Variants in EYA2 observed in about 807,000 individuals in gnomAD.
EYA2 encodes the protein protein phosphatase EYA2.
In EYA2, 31 loss-of-function variants were observed where a neutral mutation model predicts 69.2. The observed-to-expected ratio is 0.45, with a 90% CI of 0.34 to 0.60. EYA2 has a LOEUF of 0.60. Among genes scored for constraint, EYA2 ranks in the 20% least tolerant of loss-of-function variants. The pLI is 0.02. For missense variants in EYA2, 622 were observed against 701.2 expected (o/e 0.89, Z 1.28); for synonymous variants, 257 against 279.4 (o/e 0.92, Z 0.80).
At chr20:46,956,313 G>A (rs547006223) in intron 1 of EYA2, among the ~76,000 whole-genome samples, 18 of 152,250 alleles carry the variant, frequency 1.2e-4, no homozygotes, top group Non-Finnish European at 2.1e-4. Context: ...AAATTCCATC[G>A]AATGGATAGA....
At chr20:47,093,304 C>T (rs2032143610) in intron 8 of EYA2, among the ~76,000 whole-genome samples, 1 of 152,224 alleles carries the variant, frequency 6.6e-6, no homozygotes, top group Admixed American at 6.5e-5. Flanking sequence ...CCTGTCAGAT[C>T]CCGGGGTCTG....
At chr20:46,952,585 A>C (rs906846334) in intron 1 of EYA2, among the ~76,000 whole-genome samples, 3 of 152,192 alleles carry the variant, frequency 2.0e-5, no homozygotes, top group Admixed American at 6.5e-5. Flanking sequence ...CCACCGGAAT[A>C]AGGAGGGAGT....
At chr20:46,954,191 C>A (rs1978979320) in intron 1 of EYA2, among the ~76,000 whole-genome samples, 1 of 152,142 alleles carries the variant, frequency 6.6e-6, no homozygotes, top group Admixed American at 6.5e-5. Flanking sequence ...TCCCTGATCA[C>A]CCTGTCATGA....
intron 5 of EYA2, among the ~76,000 whole-genome samples, chr20:47,031,174 G>A (rs138856996): frequency 1.7e-4 from 26 of 152,300 alleles, no homozygotes; most frequent in African/African-American, 5.3e-4. Context: ...CAGGAAGGAC[G>A]CCAGGCTCTC....
chr20:47,099,477 A>C (rs1380274741), intron 9 of EYA2, among the ~76,000 whole-genome samples: 3 of 152,226 alleles, frequency 2.0e-5, no homozygotes, highest in Non-Finnish European at 4.4e-5. Flanking sequence ...TGATCGCACC[A>C]CTGCACTCTA....
At chr20:46,962,949 C>T (rs1198805879) in intron 1 of EYA2, among the ~76,000 whole-genome samples, 2 of 152,250 alleles carry the variant, frequency 1.3e-5, no homozygotes, top group African/African-American at 4.8e-5. Flanking sequence ...TGCCTCTGTT[C>T]CCTGGCACCA....
At position 47,038,186 on chromosome 20, in the gene EYA2, G is replaced by A. The variant is rs142750563; in HGVS notation, c.415+21889G>A. On this transcript the variant is annotated intron_variant, in intron 5 of 15. Transcript: ENST00000327619. ...TAGGAAGCTGATGATTTTAGGTAGG[G>A]GTGGGGCGGTCAGGGAAAAAAGTCA... 1.5e-4 allele frequency among the ~76,000 whole-genome samples: 23 copies of A among 152,238 alleles called. 1 individual carries two copies. In the East Asian group the frequency reaches 3.9e-3, roughly 26 times the overall value.
At chr20:47,066,186 G>T (rs1257682412) in intron 5 of EYA2, among the ~76,000 whole-genome samples, 1 of 152,072 alleles carries the variant, frequency 6.6e-6, no homozygotes, top group East Asian at 1.9e-4. Flanking sequence ...CAAAAAATTA[G>T]CCAGATGTGG....
chr20:46,966,855 A>G (rs569987627), intron 1 of EYA2, among the ~76,000 whole-genome samples: 79 of 152,288 alleles, frequency 5.2e-4, no homozygotes, highest in Admixed American at 1.3e-3. Context: ...ATTTAACTCA[A>G]GATGTCAAAA....
Position 46,988,554 on chromosome 20 carries a change from G to A in EYA2, c.-10-1447G>A, listed in dbSNP as rs143458034. Among the ~76,000 whole-genome samples the A allele has an allele frequency of 4.4e-3, 671 of 152,270 alleles. 7 individuals carry two copies. Among genetic ancestry groups the A allele is most frequent in the Non-Finnish European group, 5.5e-3 (376 of 68,032 alleles). On this transcript the variant is annotated intron_variant, in intron 1 of 15. Coordinates refer to ENST00000327619, the MANE Select transcript of EYA2 (RefSeq NM_005244.5). Reference sequence around the variant, plus strand: ...CCAAGGATGACCTTATGATAACGACGTGCTCACAATAAATTTAGCCTTTCT... The same window carrying A: ...CCAAGGATGACCTTATGATAACGACATGCTCACAATAAATTTAGCCTTTCT...
chr20:47,188,538 A>T lies in EYA2; in HGVS notation c.*405A>T. On this transcript the variant is annotated 3_prime_UTR_variant, in exon 16 of 16. Coordinates refer to ENST00000327619, the MANE Select transcript of EYA2 (RefSeq NM_005244.5). ...TTGTACCTGTGTGGCTGGGTTTCTT[A>T]GTCGTTGGTTTGGTTTGGTTTTTTG... 1 of 462,380 alleles carries T rather than the reference A, an allele frequency of 2.2e-6. No homozygotes were observed. The highest frequency in any genetic ancestry group is 3.1e-5 in the East Asian group (1 of 32,640). The allele number at this position is 462,380 out of a possible 1,614,324, so 28.6% of individuals were successfully genotyped here. A position where few individuals can be genotyped will look rare whatever the true frequency, so the allele number is the denominator to read the frequency against.
chr20:47,110,125 G>A (rs752668411), intron 9 of EYA2, among the ~76,000 whole-genome samples: 13 of 152,192 alleles, frequency 8.5e-5, no homozygotes, highest in Non-Finnish European at 1.8e-4. Flanking sequence ...AGGCCCAGCT[G>A]CTCCCTTTAT....
chr20:46,896,837 C>A lies in EYA2; in HGVS notation c.-11+1850C>A, dbSNP rs6090572. 8.0e-4 allele frequency among the ~76,000 whole-genome samples: 122 copies of A among 152,322 alleles called. 1 individual carries two copies. Among genetic ancestry groups the A allele is most frequent in the African/African-American group, 2.7e-3 (112 of 41,572 alleles). On this transcript the variant is annotated intron_variant, in intron 1 of 15. Transcript: ENST00000327619. ...AACTTCAGCTTCACAATATCATTCA[C>A]TATTTTATCTGAAAGGAATTGGCAT...
At chr20:47,072,030 C>T (rs949776377) in intron 5 of EYA2, 155 bp from the exon 6 acceptor site, 9 of 699,044 alleles carry the variant, frequency 1.3e-5, no homozygotes, top group East Asian at 2.5e-5. Flanking sequence ...GCTTTGGGAA[C>T]GCTGGTGTGA....
At chr20:46,983,132 T>A (rs1344210237) in intron 1 of EYA2, among the ~76,000 whole-genome samples, 1 of 151,138 alleles carries the variant, frequency 6.6e-6, no homozygotes, top group East Asian at 1.9e-4. Flanking sequence ...CTTAAATCAA[T>A]TTTTTTATTA....
intron 10 of EYA2, among the ~76,000 whole-genome samples, chr20:47,148,800 G>A (rs745404852): frequency 1.2e-4 from 18 of 152,162 alleles, no homozygotes; most frequent in Non-Finnish European, 2.5e-4. Context: ...CTGTCCTCCA[G>A]CCCCACTCTA....
At chr20:47,070,122 A>G (rs1330263963) in intron 5 of EYA2, among the ~76,000 whole-genome samples, 2 of 152,240 alleles carry the variant, frequency 1.3e-5, no homozygotes, top group Non-Finnish European at 1.5e-5. Flanking sequence ...GATAATATTC[A>G]CAAATCATGT....
At chr20:47,134,361 C>T (rs2033410762) in intron 9 of EYA2, among the ~76,000 whole-genome samples, 1 of 152,162 alleles carries the variant, frequency 6.6e-6, no homozygotes, top group African/African-American at 2.4e-5. Flanking sequence ...CCAACACTTT[C>T]TCTTACAAGC....
intron 5 of EYA2, among the ~76,000 whole-genome samples, chr20:47,061,540 A>G (rs144197638): frequency 6.6e-6 from 1 of 152,214 alleles, no homozygotes; most frequent in Non-Finnish European, 1.5e-5. Context: ...AACTGAAAAA[A>G]AAAAATCCCT....
Sources: allele counts gnomAD v4.1 joint callset (sites outside exome capture counted in the v4.1 genomes callset), GRCh38; gene constraint gnomAD v4.1.1; transcripts MANE v1.5; gene names NCBI Gene and HGNC (gene_info 2026-07-23, HGNC 2026-07-21).